KCNQ1: variants seen among roughly 807,000 people sequenced by gnomAD.
KCNQ1 encodes potassium voltage-gated channel subfamily KQT member 1.
KCNQ1 carries 49 observed loss-of-function variants against 72.4 expected under a neutral mutation model. That is an observed-to-expected ratio of 0.68 (90% CI 0.54 to 0.86). The LOEUF is 0.86. KCNQ1 is among the 40% of genes least tolerant of loss of function. The pLI, the probability that KCNQ1 is intolerant of heterozygous loss-of-function variation, is 0.00. For missense variants in KCNQ1, 790 were observed against 945.1 expected, an observed-to-expected ratio of 0.84 and a Z score of 2.15; for synonymous variants, 450 against 412.6, an observed-to-expected ratio of 1.09 and a Z score of -1.10.
chr11:2,671,442 G>A lies in KCNQ1; in HGVS notation c.1514+9361G>A, dbSNP rs1850181921. On this transcript the variant is annotated intron_variant, in intron 11 of 15. Coordinates refer to ENST00000155840, the MANE Select transcript of KCNQ1 (RefSeq NM_000218.3). This position sits in a 1 kb window ranked among gnomAD's most constrained non-coding sequence, Gnocchi z 4.7. ...ACCCAGAGATTCTCCCACTTTAGCAGGCAGAAGAGCAACCCAGCAGGGGAT... is the reference window on the plus strand; with the variant it reads ...ACCCAGAGATTCTCCCACTTTAGCAAGCAGAAGAGCAACCCAGCAGGGGAT... The A allele has an allele frequency of 2.5e-6, 1 of 398,512 alleles. No individual in the cohort carries two copies. The highest frequency in any genetic ancestry group is 4.4e-6 in the Non-Finnish European group (1 of 226,088). 24.7% of individuals were successfully genotyped at this position (398,512 alleles called of 1,614,324 possible). A position where few individuals can be genotyped will look rare whatever the true frequency, so the allele number is the denominator to read the frequency against.
At chr11:2,554,714 A>T (rs1436551765) in intron 2 of KCNQ1, among the ~76,000 whole-genome samples, 3 of 152,202 alleles carry the variant, frequency 2.0e-5, no homozygotes, top group Non-Finnish European at 4.4e-5. Flanking sequence ...ATTTAAGAAG[A>T]CAGGCCCTAC....
chr11:2,658,515 A>G lies in KCNQ1; in HGVS notation c.1394-3446A>G, dbSNP rs1389527256. 1 of 398,322 alleles carries G rather than the reference A, an allele frequency of 2.5e-6. No homozygotes were observed. The highest frequency in any genetic ancestry group is 2.1e-5 in the African/African-American group (1 of 48,548). 24.7% of individuals were successfully genotyped at this position (398,322 alleles called of 1,614,324 possible). On this transcript the variant is annotated intron_variant, in intron 10 of 15. Coordinates refer to ENST00000155840, the MANE Select transcript of KCNQ1 (RefSeq NM_000218.3). This position sits in a 1 kb window ranked among gnomAD's most constrained non-coding sequence, Gnocchi z 4.9. ...AGCATTTCTTTTCTAGCACTTGACA[A>G]TACTTCAGGCTCATCTTTTATTTTC...
At position 2,848,734 on chromosome 11, in the gene KCNQ1, G is replaced by A. The variant is rs146324627; in HGVS notation, c.*731G>A. 2,128 of 453,918 alleles carry A rather than the reference G, an allele frequency of 4.7e-3. 5 individuals carry two copies. Among genetic ancestry groups the A allele is most frequent in the Non-Finnish European group, 6.6e-3 (1,492 of 226,638 alleles). 28.1% of individuals were successfully genotyped at this position (453,918 alleles called of 1,614,324 possible). A position where few individuals can be genotyped will look rare whatever the true frequency, so the allele number is the denominator to read the frequency against. On this transcript the variant is annotated 3_prime_UTR_variant, in exon 16 of 16. Transcript: ENST00000155840. ...CTCTCCGCCCCTGAGCCCACTGTGC[G>A]TGGGGCTCCCGCCTCCAACCCCTCG...
At position 2,808,336 on chromosome 11, in the gene KCNQ1, C is replaced by G. The variant is rs554493373; in HGVS notation, c.1794+30299C>G. 5.3e-5 allele frequency among the ~76,000 whole-genome samples: 8 copies of G among 152,282 alleles called. No homozygotes were observed. The highest frequency in any genetic ancestry group is 1.2e-4 in the Non-Finnish European group (8 of 68,032). ...TCGGTCCTGGCATCACAGAGCTACC[C>G]CGGTCAAAAATATACCATGTAATTA... On this transcript the variant is annotated intron_variant, in intron 15 of 15. Coordinates refer to ENST00000155840, the MANE Select transcript of KCNQ1 (RefSeq NM_000218.3). This position sits in a 1 kb window ranked among gnomAD's most constrained non-coding sequence, Gnocchi z 6.0.
chr11:2,699,718 GT>G (rs1564862679), intron 11 of KCNQ1: 25 of 285,412 alleles, frequency 8.8e-5, no homozygotes, highest in African/African-American at 1.8e-4. Flanking sequence ...GCGCCGAGGA[GT>G]CCCCGGGGAG....
At position 2,466,396 on chromosome 11, in the gene KCNQ1, G is replaced by C. The variant is rs149838019; in HGVS notation, c.386+20912G>C. ...CAGGAGGAGGGGGGCTCCCAGAAGA[G>C]AGTGAGTTTTGAGGGAACACAGTGC... On this transcript the variant is annotated intron_variant, in intron 1 of 15. Transcript: ENST00000155840. Among the ~76,000 whole-genome samples the C allele has an allele frequency of 6.4e-3, 971 of 152,288 alleles. 7 individuals are homozygous for C. The highest frequency in any genetic ancestry group is 0.022 in the African/African-American group (900 of 41,572).
At chr11:2,667,872 C>T (rs1399636433) in intron 11 of KCNQ1, 1 of 398,642 alleles carries the variant, frequency 2.5e-6, no homozygotes. Context: ...CAGATTAGTA[C>T]ACAGGTCTCA....
Position 2,651,835 on chromosome 11 carries a change from C to T in KCNQ1, c.1394-10126C>T, listed in dbSNP as rs1849760816. ...TGGAATGGAGCCCACAGGACCATACCAGACAGATGCCACCACATCTTTTCT... is the reference window on the plus strand; with the variant it reads ...TGGAATGGAGCCCACAGGACCATACTAGACAGATGCCACCACATCTTTTCT... On this transcript the variant is annotated intron_variant, in intron 10 of 15. Transcript: ENST00000155840. This position sits in a 1 kb window ranked among gnomAD's most constrained non-coding sequence, Gnocchi z 6.1. The T allele has an allele frequency of 1.0e-5, 4 of 398,524 alleles. No individual in the cohort carries two copies. In the East Asian group the frequency reaches 1.4e-4, roughly 14 times the overall value. 24.7% of individuals were successfully genotyped at this position (398,524 alleles called of 1,614,324 possible).
intron 11 of KCNQ1, among the ~76,000 whole-genome samples, chr11:2,733,849 C>CTCGCTCTT (rs1564875395): frequency 3.1e-4 from 11 of 35,220 alleles, no homozygotes; most frequent in East Asian, 1.5e-3. Flanking sequence ...CTCTCTCTCT[C>CTCGCTCTT]TCTCTCTCCC....
chr11:2,610,009 A>G (rs1848952601), intron 10 of KCNQ1: 1 of 397,812 alleles, frequency 2.5e-6, no homozygotes, highest in Non-Finnish European at 4.4e-6. Flanking sequence ...ATTCACATTT[A>G]ATATTATTAT....
intron 12 of KCNQ1, among the ~76,000 whole-genome samples, chr11:2,771,046 G>A (rs149555613): frequency 6.6e-6 from 1 of 152,390 alleles, no homozygotes; most frequent in African/African-American, 2.4e-5. Flanking sequence ...GGGACACAGG[G>A]AGCCTCCCAG....
At position 2,761,077 on chromosome 11, in the gene KCNQ1, A is replaced by G. The variant is rs1289601723; in HGVS notation, c.1515-7767A>G. On this transcript the variant is annotated intron_variant, in intron 11 of 15. Transcript: ENST00000155840. The stretch of plus-strand genomic sequence containing the variant: ...TGGCGTACTGGAAGAATCAGATCAC[A>G]CGTGGGCTTGGAGAATGAGTGCAAG... Among the ~76,000 whole-genome samples, 3 of 152,198 alleles carry G rather than the reference A, an allele frequency of 2.0e-5. No homozygotes were observed. In the East Asian group the frequency reaches 5.8e-4, roughly 29 times the overall value.
Position 2,690,354 on chromosome 11 carries a change from G to A in KCNQ1, c.1514+28273G>A. On this transcript the variant is annotated intron_variant, in intron 11 of 15. Coordinates refer to ENST00000155840, the MANE Select transcript of KCNQ1 (RefSeq NM_000218.3). The surrounding 1 kb of genome is among the most constrained non-coding windows in gnomAD (Gnocchi z 5.1). The stretch of plus-strand genomic sequence containing the variant: ...AGTCTGAGGCTGCCCTGCAGCTGCT[G>A]TTTCCACTACTTGGCATGGAACATG... 3 of 398,704 alleles carry A rather than the reference G, an allele frequency of 7.5e-6. No homozygotes were observed. In the Admixed American group the frequency reaches 1.3e-4, roughly 18 times the overall value. The allele number at this position is 398,704 out of a possible 1,614,324, so 24.7% of individuals were successfully genotyped here. A position where few individuals can be genotyped will look rare whatever the true frequency, so the allele number is the denominator to read the frequency against.
chr11:2,677,279 C>A lies in KCNQ1; in HGVS notation c.1514+15198C>A. On this transcript the variant is annotated intron_variant, in intron 11 of 15. Coordinates refer to ENST00000155840, the MANE Select transcript of KCNQ1 (RefSeq NM_000218.3). The surrounding 1 kb of genome is among the most constrained non-coding windows in gnomAD (Gnocchi z 4.5). ...GAACTTATAAAGAGGAACTGTAAAT[C>A]TTGTCAAAATAGGAGATTTCATCAA... is the stretch of plus-strand genomic sequence containing the variant. The A allele has an allele frequency of 2.5e-6, 1 of 398,564 alleles. No individual in the cohort carries two copies. The allele number at this position is 398,564 out of a possible 1,614,324, so 24.7% of individuals were successfully genotyped here.
intron 2 of KCNQ1, among the ~76,000 whole-genome samples, chr11:2,534,115 G>A (rs983917107): frequency 6.6e-6 from 1 of 152,066 alleles, no homozygotes; most frequent in Non-Finnish European, 1.5e-5. Context: ...CCAGCTCAGA[G>A]CAAGGCCTCA....
Position 2,671,936 on chromosome 11 carries a change from C to G in KCNQ1, c.1514+9855C>G, listed in dbSNP as rs1850190490. 1 of 398,654 alleles carries G rather than the reference C, an allele frequency of 2.5e-6. No individual in the cohort carries two copies. The allele number at this position is 398,654 out of a possible 1,614,324, so 24.7% of individuals were successfully genotyped here. On this transcript the variant is annotated intron_variant, in intron 11 of 15. Transcript: ENST00000155840. This position sits in a 1 kb window ranked among gnomAD's most constrained non-coding sequence, Gnocchi z 4.7. Reference sequence around the variant, plus strand: ...CGCTATGCTTCCTCAGGCAGCTAGTCTCTGTATCTGGGGTAGAAAGAGTGG... The same window carrying G: ...CGCTATGCTTCCTCAGGCAGCTAGTGTCTGTATCTGGGGTAGAAAGAGTGG...
rs893042166 is a variant in KCNQ1, at chr11:2,710,863, C to T, written c.1514+48782C>T. The stretch of plus-strand genomic sequence containing the variant: ...GTCTATCCTTATGCCAGTACTATAT[C>T]GTCTTGATTGTTATAGCTTTGTAGT... On this transcript the variant is annotated intron_variant, in intron 11 of 15. Transcript: ENST00000155840. The surrounding 1 kb of genome is among the most constrained non-coding windows in gnomAD (Gnocchi z 4.1). 2.6e-5 allele frequency among the ~76,000 whole-genome samples: 4 copies of T among 152,164 alleles called. No homozygotes were observed. The highest frequency in any genetic ancestry group is 2.4e-5 in the African/African-American group (1 of 41,446).
chr11:2,841,826 T>C (rs433052), intron 15 of KCNQ1, among the ~76,000 whole-genome samples: 139,783 of 152,272 alleles, frequency 0.92, 64,480 homozygotes, highest in Non-Finnish European at 0.96. Flanking sequence ...CAGAGGCTGG[T>C]AAAAGTGGAT....
chr11:2,611,971 T>C lies in KCNQ1; in HGVS notation c.1393+23117T>C. 1 of 398,624 alleles carries C rather than the reference T, an allele frequency of 2.5e-6. No homozygotes were observed. 24.7% of individuals were successfully genotyped at this position (398,624 alleles called of 1,614,324 possible). A position where few individuals can be genotyped will look rare whatever the true frequency, so the allele number is the denominator to read the frequency against. ...TCAAATATTTTTGTCTGCCCTATTC[T>C]CTCCTTCTCAGTACTCTTATTAACA... is the stretch of plus-strand genomic sequence containing the variant. On this transcript the variant is annotated intron_variant, in intron 10 of 15. Transcript: ENST00000155840. This position sits in a 1 kb window ranked among gnomAD's most constrained non-coding sequence, Gnocchi z 5.3.
Sources: allele counts gnomAD v4.1 joint callset (sites outside exome capture counted in the v4.1 genomes callset), GRCh38; gene constraint gnomAD v4.1.1; non-coding constraint Gnocchi (gnomAD v3.1); transcripts MANE v1.5; gene names NCBI Gene and HGNC (gene_info 2026-07-23, HGNC 2026-07-21).